ZUP1: variants seen among roughly 807,000 people sequenced by gnomAD.
ZUP1 encodes zinc finger containing ubiquitin peptidase 1, also known as zinc finger-containing ubiquitin peptidase 1.
Under a neutral mutation model 68.1 loss-of-function variants are expected in ZUP1, and 55 were observed. The ratio of observed to expected loss-of-function variants is 0.81; its 90% CI spans 0.65 to 1.01. The LOEUF (loss-of-function observed/expected upper bound fraction) is 1.01. Ranked by LOEUF, ZUP1 falls within the 50% of genes least tolerant of loss-of-function variation. The pLI, the probability that ZUP1 is intolerant of heterozygous loss-of-function variation, is 0.00. For missense variants in ZUP1, 684 were observed against 674.9 expected (o/e 1.01, Z -0.15); for synonymous variants, 223 against 221.5 (o/e 1.01, Z -0.06).
At chr6:116,656,604 G>T in intron 5 of ZUP1, 80 bp downstream of exon 5, 2 of 1,174,046 alleles carry the variant, frequency 1.7e-6, no homozygotes, top group South Asian at 1.6e-5. Flanking sequence ...TGAAAATTAA[G>T]CAAAATTAAA....
In ZUP1 at chr6:116,648,520, T is replaced by C. The variant is rs147373836; in HGVS notation, c.1317-910A>G. ...TTTTGGGGTTAGCAGTTTGCATATT[T>C]ACATTTAGAATACTAATTAAACAGT... is the stretch of plus-strand genomic sequence containing the variant. On this transcript the variant is annotated intron_variant, in intron 7 of 9. Transcript: ENST00000368576. Among the ~76,000 whole-genome samples, 31 of 152,308 alleles carry C rather than the reference T, an allele frequency of 2.0e-4. No homozygotes were observed. The East Asian group carries it at 5.8e-3, about 28-fold the overall frequency.
intron 2 of ZUP1, 81 bp downstream of exon 2, chr6:116,666,553 G>C: frequency 8.1e-7 from 1 of 1,237,844 alleles, no homozygotes; most frequent in Non-Finnish European, 1.1e-6. Flanking sequence ...GTAGTAAGCT[G>C]ACTTACAAAC....
intron 9 of ZUP1, among the ~76,000 whole-genome samples, chr6:116,643,478 A>T (rs1329796953): frequency 6.6e-6 from 1 of 152,248 alleles, no homozygotes; most frequent in Non-Finnish European, 1.5e-5. Flanking sequence ...TGGTACTGAT[A>T]CCAAAACAGA....
intron 9 of ZUP1, 134 bp from the exon 10 acceptor site, chr6:116,636,013 G>T: frequency 1.4e-5 from 7 of 512,494 alleles, no homozygotes; most frequent in East Asian, 3.7e-5. Context: ...AAGAAAAATT[G>T]CAATCTCAAA....
At position 116,660,807 on chromosome 6, in the gene ZUP1, AGCCC is replaced by A. The variant is rs1397901725; in HGVS notation, c.595_598del (p.Gly199SerfsTer58). On this transcript the variant is annotated frameshift_variant, in exon 3 of 10. Coordinates refer to ENST00000368576, the MANE Select transcript of ZUP1 (RefSeq NM_145062.3). LOFTEE classifies it high-confidence loss of function. The stretch of plus-strand genomic sequence containing the variant: ...AAGAATATGGTAATTTGTACATATG[AGCCC>A]ACACATAGGACAATCATAGAGTGGT... The A allele has an allele frequency of 2.5e-6, 4 of 1,608,498 alleles. No individual in the cohort carries two copies. In the African/African-American group the frequency reaches 5.3e-5, roughly 22 times the overall value.
chr6:116,650,422 CAA>C (rs61692064), intron 7 of ZUP1, among the ~76,000 whole-genome samples: 5 of 46,546 alleles, frequency 1.1e-4, no homozygotes, highest in South Asian at 9.5e-4. Context: ...AACTCCGTCT[CAA>C]AAAAAAAAAA....
chr6:116,640,966 T>C (rs1204484038), intron 9 of ZUP1, among the ~76,000 whole-genome samples: 4 of 148,038 alleles, frequency 2.7e-5, no homozygotes, highest in African/African-American at 5.1e-5. Flanking sequence ...GAGACACACA[T>C]AGGCTCAAAA....
intron 7 of ZUP1, among the ~76,000 whole-genome samples, chr6:116,650,861 T>G (rs1446316464): frequency 2.0e-5 from 3 of 152,114 alleles, no homozygotes; most frequent in Non-Finnish European, 4.4e-5. Flanking sequence ...TAAGAGAAGG[T>G]TGGAATAACT....
Position 116,639,726 on chromosome 6 carries a change from C to A in ZUP1, c.1690-3847G>T, listed in dbSNP as rs567202107. Among the ~76,000 whole-genome samples the A allele has an allele frequency of 3.3e-5, 5 of 152,262 alleles. No individual in the cohort carries two copies. The East Asian group carries it at 9.6e-4, about 29-fold the overall frequency. ...CAAAGACCAACAGGAGATAAAACCACAAAGATGGGGAAAAAACAGAGCAGA... is the reference window on the plus strand; with the variant it reads ...CAAAGACCAACAGGAGATAAAACCAAAAAGATGGGGAAAAAACAGAGCAGA... On this transcript the variant is annotated intron_variant, in intron 9 of 9. Coordinates refer to ENST00000368576, the MANE Select transcript of ZUP1 (RefSeq NM_145062.3).
At chr6:116,647,397 G>C in intron 8 of ZUP1, 62 bp downstream of exon 8, 4 of 1,372,954 alleles carry the variant, frequency 2.9e-6, no homozygotes, top group Non-Finnish European at 3.9e-6. Context: ...TAACCTGTCT[G>C]AAAGCAACAA....
chr6:116,658,721 G>A (rs2114274219), intron 4 of ZUP1, 82 bp downstream of exon 4: 1 of 1,352,446 alleles, frequency 7.4e-7, no homozygotes, highest in Non-Finnish European at 9.9e-7. Flanking sequence ...TAATAACAAG[G>A]ACAAAAATAA....
chr6:116,636,904 C>T (rs1404072236), intron 9 of ZUP1, among the ~76,000 whole-genome samples: 2 of 151,906 alleles, frequency 1.3e-5, no homozygotes, highest in Non-Finnish European at 2.9e-5. Flanking sequence ...CTATTTTGTC[C>T]TTTAAATAAA....
At position 116,645,709 on chromosome 6, in the gene ZUP1, C is replaced by T. The variant is rs1383350983; in HGVS notation, c.1689+5G>A. ...AACTTCACATATAAATATTTAGATA[C>T]TTACAAGTTTCTCCTCTAGAGAAAG... On this transcript the variant is annotated splice_donor_5th_base_variant and intron_variant, in intron 9 of 9. Transcript: ENST00000368576. 14 of 1,585,642 alleles carry T rather than the reference C, an allele frequency of 8.8e-6. No individual in the cohort carries two copies. Among genetic ancestry groups the T allele is most frequent in the African/African-American group, 5.4e-5 (4 of 73,536 alleles).
At chr6:116,658,566 G>A (rs1776738371) in intron 4 of ZUP1, among the ~76,000 whole-genome samples, 1 of 152,070 alleles carries the variant, frequency 6.6e-6, no homozygotes, top group Admixed American at 6.6e-5. Context: ...AAAAAAAGGG[G>A]GCGTGGGAGG....
intron 9 of ZUP1, among the ~76,000 whole-genome samples, chr6:116,641,602 C>T (rs370065261): frequency 7.9e-5 from 12 of 151,944 alleles, no homozygotes; most frequent in South Asian, 6.2e-4. Flanking sequence ...GGGTACATAA[C>T]GAAATGAAGG....
At chr6:116,651,004 G>C (rs1215224757) in intron 7 of ZUP1, among the ~76,000 whole-genome samples, 1 of 152,100 alleles carries the variant, frequency 6.6e-6, no homozygotes, top group African/African-American at 2.4e-5. Context: ...TTGGAGCAAA[G>C]AGGACAGAAT....
rs202093237 is a variant in ZUP1 at position 116,666,662 on chromosome 6, A to G, written c.531T>C (p.His177=). 2 of 1,592,000 alleles carry G rather than the reference A, an allele frequency of 1.3e-6. No individual in the cohort carries two copies. The highest frequency in any genetic ancestry group is 1.8e-5 in the Admixed American group (1 of 55,316). Reference sequence around the variant, plus strand: ...CCAATGGAATGTCTAAAAGATTGGCATGCTTTGTTTTCACATGAGTTTCCA... The same window carrying G: ...CCAATGGAATGTCTAAAAGATTGGCGTGCTTTGTTTTCACATGAGTTTCCA... ...EDMETHVKTK[H]ANLLDIPLED... is the part of the protein sequence containing the mutation. The change falls in exon 2 of 10, where the codon CAT becomes CAC. Residue 177 remains histidine, a synonymous_variant. Transcript: ENST00000368576.
intron 4 of ZUP1, among the ~76,000 whole-genome samples, chr6:116,658,307 G>A (rs570804037): frequency 1.3e-5 from 2 of 152,278 alleles, no homozygotes; most frequent in South Asian, 4.1e-4. Flanking sequence ...TTTAAAAAAA[G>A]CATTTTCCCA....
In ZUP1 at chr6:116,647,533, T is replaced by C. The variant is rs1404527127; in HGVS notation, c.1394A>G (p.Tyr465Cys). The C allele has an allele frequency of 1.9e-6, 3 of 1,602,740 alleles. No individual in the cohort carries two copies. The highest frequency in any genetic ancestry group is 1.7e-5 in the Admixed American group (1 of 59,830). The change falls in exon 8 of 10, where the codon TAT becomes TGT. Residue 465 changes from tyrosine (Y) to cysteine (C), a missense_variant. Physicochemically the swap from Tyr to Cys is radical, Grantham distance 194 (BLOSUM62 -2). Coordinates refer to ENST00000368576, the MANE Select transcript of ZUP1 (RefSeq NM_145062.3). ...ACTCCCTTCTCCCTCTGAAGAATAATAGTTCAATATCCATTCAAATAAGCG... is the reference window on the plus strand; with the variant it reads ...ACTCCCTTCTCCCTCTGAAGAATAACAGTTCAATATCCATTCAAATAAGCG... The part of the protein sequence containing the change: ...HPRLFEWILN[Y>C]YSSEGEGSPK...
Sources: gnomAD v4.1 joint callset for allele counts (sites outside exome capture counted in the v4.1 genomes callset) on GRCh38, gnomAD v4.1.1 for gene constraint, MANE v1.5 for transcripts, NCBI Gene and HGNC (gene_info 2026-07-23, HGNC 2026-07-21) for gene names.